The following ZC3H18 variants were observed in gnomAD, a reference collection of about 807,000 sequenced individuals.
ZC3H18 encodes zinc finger CCCH-type containing 18, also known as zinc finger CCCH domain-containing protein 18.
ZC3H18 carries 8 observed loss-of-function variants against 106.1 expected under a neutral mutation model. The observed-to-expected ratio is 0.08, with a 90% confidence interval of 0.04 to 0.14. The LOEUF is 0.14. Ranked by LOEUF, ZC3H18 falls within the 10% of genes least tolerant of loss-of-function variation. ZC3H18 has a pLI of 1.00. For missense variants in ZC3H18, 1,318 were observed against 1,278.4 expected, an observed-to-expected ratio of 1.03 and a Z score of -0.47; for synonymous variants, 635 against 522.1, an observed-to-expected ratio of 1.22 and a Z score of -2.95.
chr16:88,611,183 C>T (rs752433204), intron 7 of ZC3H18, 85 bp from the exon 8 acceptor site: 7 of 696,532 alleles, frequency 1.0e-5, no homozygotes, highest in East Asian at 9.9e-5. Context: ...ACAGACAGAT[C>T]GCGTGGTGTT....
At chr16:88,596,372 T>C (rs1280158990) in intron 3 of ZC3H18, among the ~76,000 whole-genome samples, 2 of 152,030 alleles carry the variant, frequency 1.3e-5, no homozygotes, top group Non-Finnish European at 2.9e-5. Context: ...CCGAGTGTGG[T>C]GGTTCACGCC....
At chr16:88,616,792 G>C (rs1905636270) in intron 8 of ZC3H18, among the ~76,000 whole-genome samples, 1 of 152,144 alleles carries the variant, frequency 6.6e-6, no homozygotes, top group African/African-American at 2.4e-5. Context: ...GGAAGATTCT[G>C]CCTTCAGCTA....
At chr16:88,623,451 T>C (rs1906097625) in intron 10 of ZC3H18, 107 bp downstream of exon 10, 1 of 1,451,848 alleles carries the variant, frequency 6.9e-7, no homozygotes, top group East Asian at 2.3e-5. Flanking sequence ...GTATTGAAGG[T>C]CCCTGCTGGC....
chr16:88,610,987 C>T (rs982250296), intron 7 of ZC3H18, among the ~76,000 whole-genome samples: 4 of 152,212 alleles, frequency 2.6e-5, no homozygotes, highest in Admixed American at 6.5e-5. Context: ...GCATCTGACC[C>T]GGTTTTTAAC....
intron 3 of ZC3H18, among the ~76,000 whole-genome samples, chr16:88,589,100 A>C (rs1472531477): frequency 1.3e-5 from 2 of 152,216 alleles, no homozygotes; most frequent in South Asian, 2.1e-4. Flanking sequence ...CCTGCAGTTT[A>C]TATGAAATTG....
intron 2 of ZC3H18, among the ~76,000 whole-genome samples, chr16:88,585,218 T>C (rs1915366563): frequency 6.6e-6 from 1 of 152,254 alleles, no homozygotes; most frequent in Non-Finnish European, 1.5e-5. Context: ...GATATAACTC[T>C]CAGGAATCTG....
Position 88,577,339 on chromosome 16 carries a change from G to A in ZC3H18, c.216G>A (p.Arg72=), listed in dbSNP as rs1914821194. The A allele has an allele frequency of 6.2e-7, 1 of 1,605,576 alleles. No homozygotes were observed. Residue 72 remains arginine (R), a synonymous_variant, in exon 2 of 18, where the codon CGG becomes CGA. Transcript: ENST00000301011. ...ATAATCACTCCGACGAGGAGGACCG[G>A]GCAAGTGAGCCTAAATCCCAAGACC... ...EEDNHSDEED[R]ASEPKSQDQD... is the part of the protein sequence containing the mutation.
At chr16:88,629,456 A>C (rs1049904477) in intron 16 of ZC3H18, among the ~76,000 whole-genome samples, 2 of 152,246 alleles carry the variant, frequency 1.3e-5, no homozygotes, top group Non-Finnish European at 2.9e-5. Flanking sequence ...AGCTTGGGCA[A>C]CAAGAGCAAC....
At chr16:88,622,135 C>T in intron 8 of ZC3H18, 62 bp from the exon 9 acceptor site, 1 of 1,539,094 alleles carries the variant, frequency 6.5e-7, no homozygotes, top group Non-Finnish European at 8.8e-7. Context: ...GCTGCTGTCA[C>T]ACCTGGCATT....
chr16:88,577,803 C>G (rs1597319019), intron 2 of ZC3H18, 77 bp downstream of exon 2: 2 of 1,606,060 alleles, frequency 1.2e-6, no homozygotes, highest in East Asian at 2.2e-5. Context: ...AAAGGAGGGA[C>G]TCTGTGTGGG....
At chr16:88,604,757 C>G (rs1904928397) in intron 6 of ZC3H18, among the ~76,000 whole-genome samples, 1 of 152,180 alleles carries the variant, frequency 6.6e-6, no homozygotes, top group Admixed American at 6.5e-5. Flanking sequence ...TTCTACAAGT[C>G]TAATAGGGAC....
intron 3 of ZC3H18, 131 bp downstream of exon 3, chr16:88,586,815 GT>G: frequency 1.6e-6 from 1 of 615,176 alleles, no homozygotes; most frequent in Non-Finnish European, 3.0e-6. Context: ...CTAGGTGGTG[GT>G]GGTGGTGGTG....
At chr16:88,576,807 A>T (rs1411496829) in intron 1 of ZC3H18, among the ~76,000 whole-genome samples, 1 of 152,212 alleles carries the variant, frequency 6.6e-6, no homozygotes, top group Non-Finnish European at 1.5e-5. Flanking sequence ...ACTTTCTGTT[A>T]ACTCGTGTGG....
intron 1 of ZC3H18, among the ~76,000 whole-genome samples, chr16:88,572,343 G>A (rs2142507683): frequency 6.6e-6 from 1 of 152,060 alleles, no homozygotes; most frequent in East Asian, 1.9e-4. Flanking sequence ...TCACTCTGTT[G>A]CCCAGGCTGG....
At chr16:88,615,707 T>C (rs1285563684) in intron 8 of ZC3H18, among the ~76,000 whole-genome samples, 1 of 152,160 alleles carries the variant, frequency 6.6e-6, no homozygotes, top group Non-Finnish European at 1.5e-5. Flanking sequence ...CACTGTGCTG[T>C]GTGGCTCTGG....
At chr16:88,621,643 A>T in intron 8 of ZC3H18, among the ~76,000 whole-genome samples, 1 of 152,056 alleles carries the variant, frequency 6.6e-6, no homozygotes, top group East Asian at 1.9e-4. Flanking sequence ...GGCATGAGCC[A>T]TCGCGCCCAG....
intron 2 of ZC3H18, among the ~76,000 whole-genome samples, chr16:88,585,081 A>G (rs61360381): frequency 0.15 from 23,477 of 152,248 alleles, 1,936 homozygotes; most frequent in Non-Finnish European, 0.19. Flanking sequence ...CACAAACTAA[A>G]AGACCAGAGA....
Position 88,631,457 on chromosome 16 carries a change from C to A in ZC3H18, c.*158C>A. On this transcript the variant is annotated 3_prime_UTR_variant, in exon 18 of 18. Coordinates refer to ENST00000301011, the MANE Select transcript of ZC3H18 (RefSeq NM_144604.4). ...GGAAAAGAAGCCACACAGGAAATGA[C>A]AACGACGCTGAATCCCAGCCTCCCT... is the stretch of plus-strand genomic sequence containing the variant. 1 of 1,009,766 alleles carries A rather than the reference C, an allele frequency of 9.9e-7. No homozygotes were observed. The highest frequency in any genetic ancestry group is 1.5e-5 in the South Asian group (1 of 66,716). 62.6% of individuals were successfully genotyped at this position (1,009,766 alleles called of 1,614,324 possible).
At chr16:88,571,967 G>C (rs533383590) in intron 1 of ZC3H18, among the ~76,000 whole-genome samples, 2 of 152,232 alleles carry the variant, frequency 1.3e-5, no homozygotes, top group African/African-American at 2.4e-5. Flanking sequence ...TTCTTTGCCA[G>C]AATCTCTTTA....
Sources: allele counts gnomAD v4.1 joint callset (sites outside exome capture counted in the v4.1 genomes callset), GRCh38; gene constraint gnomAD v4.1.1; transcripts MANE v1.5; gene names NCBI Gene and HGNC (gene_info 2026-07-23, HGNC 2026-07-21).